Variants in CCDC178 observed in about 807,000 individuals in gnomAD.
CCDC178 encodes the protein coiled-coil domain containing 178.
In CCDC178, 126 loss-of-function variants were observed where a neutral mutation model predicts 117.4. That is an observed-to-expected ratio of 1.07 (90% CI 0.93 to 1.24). The LOEUF is 1.24. CCDC178 is among the 50% of genes most tolerant of loss of function. CCDC178 has a pLI of 0.00. For missense variants in CCDC178, 1,030 were observed against 986.9 expected (o/e 1.04, Z -0.59); for synonymous variants, 283 against 313.4 (o/e 0.90, Z 1.02).
At chr18:33,247,835 T>C (rs572360872) in intron 14 of CCDC178, among the ~76,000 whole-genome samples, 2 of 152,012 alleles carry the variant, frequency 1.3e-5, no homozygotes, top group African/African-American at 2.4e-5. Flanking sequence ...GTGGGATGAA[T>C]GTGTGGTGTG....
chr18:33,424,898 T>A (rs2064097670), intron 2 of CCDC178, among the ~76,000 whole-genome samples: 1 of 152,124 alleles, frequency 6.6e-6, no homozygotes, highest in South Asian at 2.1e-4. Context: ...GCCCATCCAC[T>A]CACTCCCCTC....
chr18:32,998,369 G>A (rs2055562428), intron 21 of CCDC178, among the ~76,000 whole-genome samples: 1 of 152,006 alleles, frequency 6.6e-6, no homozygotes, highest in South Asian at 2.1e-4. Context: ...ATGTGCTATG[G>A]GATCCTAAAT....
chr18:33,240,845 T>C (rs551614953), intron 15 of CCDC178, among the ~76,000 whole-genome samples: 1 of 151,812 alleles, frequency 6.6e-6, no homozygotes, highest in Non-Finnish European at 1.5e-5. Flanking sequence ...TCTTCCTAGG[T>C]CATTCTATGA....
At chr18:33,198,268 G>C (rs2058954918) in intron 20 of CCDC178, among the ~76,000 whole-genome samples, 1 of 151,922 alleles carries the variant, frequency 6.6e-6, no homozygotes, top group Non-Finnish European at 1.5e-5. Context: ...GCCTCTCTCT[G>C]TCTCTCTCTC....
chr18:33,440,973 G>C (rs1252005539), upstream of CCDC178: 2 of 152,298 alleles, frequency 1.3e-5, no homozygotes, highest in Non-Finnish European at 2.9e-5. Flanking sequence ...GAGTGGAGAC[G>C]AGTCAACGCC....
At chr18:33,275,335 T>C (rs1440510619) in intron 12 of CCDC178, among the ~76,000 whole-genome samples, 2 of 151,902 alleles carry the variant, frequency 1.3e-5, no homozygotes, top group Non-Finnish European at 2.9e-5. Context: ...TTAGTTCTAA[T>C]CCAATAATTC....
Position 33,226,832 on chromosome 18 carries a change from T to A in CCDC178, c.1617A>T (p.Lys539Asn). ...CAGCAGCCACTTCACCTTGAGTGAG[T>A]TTTTTCAGGAATTCTTCTCTACCCT... The part of the protein sequence containing the change: ...KFKGREEFLK[K>N]LTQGEVAAGM... Residue 539 changes from lysine to asparagine, a missense_variant, in exon 16 of 23, where the codon AAA becomes AAT. Lys to Asn is a moderately conservative substitution (Grantham distance 94). Coordinates refer to ENST00000383096, the MANE Select transcript of CCDC178 (RefSeq NM_001105528.4). 1 of 1,601,066 alleles carries A rather than the reference T, an allele frequency of 6.2e-7. No homozygotes were observed. Among genetic ancestry groups the A allele is most frequent in the Non-Finnish European group, 8.5e-7 (1 of 1,171,806 alleles).
chr18:33,060,984 A>G (rs1490379431), intron 21 of CCDC178, among the ~76,000 whole-genome samples: 1 of 152,124 alleles, frequency 6.6e-6, no homozygotes, highest in Non-Finnish European at 1.5e-5. Flanking sequence ...CTGAAGGAAA[A>G]CCTCATAATT....
intron 22 of CCDC178, among the ~76,000 whole-genome samples, chr18:32,950,342 C>T (rs1319960243): frequency 6.6e-6 from 1 of 152,106 alleles, no homozygotes; most frequent in Non-Finnish European, 1.5e-5. Context: ...GTCTCTCAAG[C>T]CAGCAAGATA....
rs1393171218 is a variant in CCDC178 at position 33,155,055 on chromosome 18, T to C, written c.2238+56841A>G. Among the ~76,000 whole-genome samples, 2 of 152,108 alleles carry C rather than the reference T, an allele frequency of 1.3e-5. 1 individual carries two copies. The highest frequency in any genetic ancestry group is 2.9e-5 in the Non-Finnish European group (2 of 67,974). On this transcript the variant is annotated intron_variant, in intron 20 of 22. Coordinates refer to ENST00000383096, the MANE Select transcript of CCDC178 (RefSeq NM_001105528.4). ...AGATTATAGATTTTGTGTCTAACAA[T>C]TGCAGAATATACATCCTTTTCAAAT... is the stretch of plus-strand genomic sequence containing the variant.
chr18:33,112,352 T>C (rs1482686051), intron 20 of CCDC178, among the ~76,000 whole-genome samples: 2 of 151,856 alleles, frequency 1.3e-5, no homozygotes, highest in African/African-American at 4.8e-5. Context: ...ATTAAATTTC[T>C]TCTTTTTATT....
intron 20 of CCDC178, among the ~76,000 whole-genome samples, chr18:33,168,176 G>T (rs892249508): frequency 1.3e-5 from 2 of 152,002 alleles, no homozygotes; most frequent in African/African-American, 4.8e-5. Context: ...TGTCCAGCAT[G>T]GTATTTCCTA....
chr18:33,381,895 C>A (rs1301589189), intron 5 of CCDC178, among the ~76,000 whole-genome samples: 1 of 151,532 alleles, frequency 6.6e-6, no homozygotes. Context: ...ATTTGGCCTA[C>A]AAGATTTTAC....
intron 21 of CCDC178, among the ~76,000 whole-genome samples, chr18:32,999,362 G>A (rs1234563695): frequency 6.6e-6 from 1 of 152,170 alleles, no homozygotes; most frequent in Non-Finnish European, 1.5e-5. Context: ...CCAACTTTAG[G>A]CTCTGGCTCC....
intron 9 of CCDC178, among the ~76,000 whole-genome samples, chr18:33,338,520 T>C (rs1214482031): frequency 1.3e-5 from 2 of 152,098 alleles, no homozygotes; most frequent in Non-Finnish European, 2.9e-5. Flanking sequence ...AATCACTTAG[T>C]GAATAAAGAA....
intron 20 of CCDC178, among the ~76,000 whole-genome samples, chr18:33,098,313 C>A (rs1379379049): frequency 6.6e-6 from 1 of 151,934 alleles, no homozygotes; most frequent in Non-Finnish European, 1.5e-5. Context: ...GTCATATATA[C>A]CCTTAATTAT....
intron 21 of CCDC178, among the ~76,000 whole-genome samples, chr18:33,012,597 T>G (rs1244352475): frequency 1.3e-5 from 2 of 152,204 alleles, no homozygotes; most frequent in African/African-American, 4.8e-5. Context: ...AGCGCTCCCC[T>G]AAAATATTTT....
At chr18:33,318,661 A>G (rs945691475) in intron 11 of CCDC178, among the ~76,000 whole-genome samples, 1 of 152,212 alleles carries the variant, frequency 6.6e-6, no homozygotes, top group Non-Finnish European at 1.5e-5. Context: ...TCCAATACAT[A>G]GAAACAAGAC....
chr18:33,310,820 C>T (rs1049366146), intron 11 of CCDC178, among the ~76,000 whole-genome samples: 1 of 152,186 alleles, frequency 6.6e-6, no homozygotes, highest in African/African-American at 2.4e-5. Flanking sequence ...ATTTGACATA[C>T]AGTTCCCTTA....
Sources: allele counts gnomAD v4.1 joint callset (sites outside exome capture counted in the v4.1 genomes callset), GRCh38; gene constraint gnomAD v4.1.1; transcripts MANE v1.5; gene names NCBI Gene and HGNC (gene_info 2026-07-23, HGNC 2026-07-21).